Variants in ASIC2 observed in about 807,000 individuals in gnomAD.
ASIC2 encodes the protein acid sensing ion channel subunit 2.
A neutral mutation model predicts 57.3 loss-of-function variants in ASIC2; 25 were observed. The observed-to-expected ratio is 0.44, with a 90% CI of 0.32 to 0.61. The LOEUF is 0.61. ASIC2 is among the 20% of genes least tolerant of loss of function. ASIC2 has a pLI of 0.06. For missense variants in ASIC2, 641 were observed against 738.1 expected (o/e 0.87, Z 1.52); for synonymous variants, 319 against 307.5 (o/e 1.04, Z -0.39).
chr17:33,849,778 C>T (rs1913714510), intron 1 of ASIC2, among the ~76,000 whole-genome samples: 1 of 152,066 alleles, frequency 6.6e-6, no homozygotes, highest in Non-Finnish European at 1.5e-5. Context: ...ACCTTTCATG[C>T]CATGAAAAGG....
intron 1 of ASIC2, among the ~76,000 whole-genome samples, chr17:33,512,485 T>G (rs953181128): frequency 2.0e-5 from 3 of 152,174 alleles, no homozygotes; most frequent in Non-Finnish European, 2.9e-5. Flanking sequence ...TTGCTCCCAC[T>G]GGGTACTGAG....
chr17:34,099,317 GGAAA>G (rs767648695), intron 1 of ASIC2, among the ~76,000 whole-genome samples: 19 of 140,394 alleles, frequency 1.4e-4, no homozygotes, highest in African/African-American at 4.0e-4. Flanking sequence ...AAGAAAGAAA[GGAAA>G]GAAAGAAGGG....
At chr17:33,245,917 C>T (rs1392765344) in intron 1 of ASIC2, among the ~76,000 whole-genome samples, 1 of 151,592 alleles carries the variant, frequency 6.6e-6, no homozygotes, top group Non-Finnish European at 1.5e-5. Context: ...GGGCCAGGCA[C>T]AATAGTTCAT....
chr17:33,938,818 C>G (rs1567762127), intron 1 of ASIC2, among the ~76,000 whole-genome samples: 1 of 152,224 alleles, frequency 6.6e-6, no homozygotes, highest in Non-Finnish European at 1.5e-5. Context: ...GGCTGTCTCC[C>G]TGCCTCAGTG....
chr17:33,750,677 T>C (rs1910403873), intron 1 of ASIC2, among the ~76,000 whole-genome samples: 1 of 152,134 alleles, frequency 6.6e-6, no homozygotes, highest in Non-Finnish European at 1.5e-5. Context: ...TATAATGCTT[T>C]GTTTGTTTTG....
At chr17:33,846,482 G>T (rs779227499) in intron 1 of ASIC2, among the ~76,000 whole-genome samples, 2 of 152,140 alleles carry the variant, frequency 1.3e-5, no homozygotes, top group Non-Finnish European at 1.5e-5. Context: ...AATCTGATCT[G>T]CAGAGTGGGA....
intron 1 of ASIC2, among the ~76,000 whole-genome samples, chr17:33,392,866 C>T (rs1229258721): frequency 1.3e-5 from 2 of 152,202 alleles, no homozygotes; most frequent in Non-Finnish European, 2.9e-5. Flanking sequence ...ACCTTTGCAG[C>T]TCCTGTCCTG....
At chr17:33,109,354 C>A (rs73982426) in intron 2 of ASIC2, among the ~76,000 whole-genome samples, 2,191 of 152,312 alleles carry the variant, frequency 0.014, 53 homozygotes, top group African/African-American at 0.05. Flanking sequence ...ACATTTTCAT[C>A]AGCCCAGAAG....
At position 34,104,433 on chromosome 17, in the gene ASIC2, T is replaced by C. The variant is rs372080352; in HGVS notation, c.555+51545A>G. Among the ~76,000 whole-genome samples, 379 of 152,266 alleles carry C rather than the reference T, an allele frequency of 2.5e-3. 2 individuals carry two copies. Among genetic ancestry groups the C allele is most frequent in the African/African-American group, 8.9e-3 (370 of 41,572 alleles). On this transcript the variant is annotated intron_variant, in intron 1 of 9. Transcript: ENST00000359872. ...ACTTTTGTTTATAGAAACAAATTCTTCCTTTTGAGTCTTTATGCTTTTAGT... is the reference window on the plus strand; with the variant it reads ...ACTTTTGTTTATAGAAACAAATTCTCCCTTTTGAGTCTTTATGCTTTTAGT...
chr17:33,819,640 A>AGAC (rs1912689750), intron 1 of ASIC2, among the ~76,000 whole-genome samples: 1 of 152,196 alleles, frequency 6.6e-6, no homozygotes, highest in Non-Finnish European at 1.5e-5. Flanking sequence ...TCTAATGCTG[A>AGAC]GACTGTGACC....
chr17:33,633,259 G>T (rs1906233545), intron 1 of ASIC2, among the ~76,000 whole-genome samples: 1 of 152,184 alleles, frequency 6.6e-6, no homozygotes, highest in South Asian at 2.1e-4. Context: ...GTCCAAAAAG[G>T]CTCTTGTGTG....
intron 1 of ASIC2, among the ~76,000 whole-genome samples, chr17:33,178,011 T>G (rs1832013329): frequency 6.6e-6 from 1 of 152,078 alleles, no homozygotes; most frequent in Non-Finnish European, 1.5e-5. Context: ...CAAACACACA[T>G]GCTTGTGTTC....
chr17:33,507,992 G>A (rs952310143), intron 1 of ASIC2, among the ~76,000 whole-genome samples: 2 of 152,208 alleles, frequency 1.3e-5, no homozygotes, highest in Non-Finnish European at 2.9e-5. Flanking sequence ...GAGGGCCACA[G>A]TTCGCTGACT....
intron 1 of ASIC2, among the ~76,000 whole-genome samples, chr17:33,759,159 G>T (rs546203604): frequency 1.3e-5 from 2 of 152,294 alleles, no homozygotes; most frequent in East Asian, 1.9e-4. Context: ...TTCAAATGAG[G>T]TTTCACATGG....
chr17:33,161,872 T>G (rs1428615498), intron 1 of ASIC2, among the ~76,000 whole-genome samples: 2 of 143,496 alleles, frequency 1.4e-5, no homozygotes, highest in African/African-American at 5.1e-5. Context: ...TTTTTTTTTT[T>G]TTTTTTTTTT....
intron 1 of ASIC2, among the ~76,000 whole-genome samples, chr17:33,950,909 T>C (rs574237094): frequency 7.2e-6 from 1 of 139,376 alleles, no homozygotes; most frequent in Admixed American, 7.6e-5. Flanking sequence ...CACTTACATC[T>C]CTTATTATAT....
intron 1 of ASIC2, among the ~76,000 whole-genome samples, chr17:33,823,928 C>T (rs1167762176): frequency 1.3e-5 from 2 of 152,192 alleles, no homozygotes; most frequent in African/African-American, 4.8e-5. Context: ...TGCCATTCTT[C>T]TCCACGTCTG....
chr17:34,050,400 G>A (rs911080575), intron 1 of ASIC2, among the ~76,000 whole-genome samples: 26 of 152,232 alleles, frequency 1.7e-4, no homozygotes, highest in African/African-American at 6.3e-4. Flanking sequence ...TCTCTGGGGG[G>A]TGGGGAGGGG....
chr17:33,595,772 G>A (rs971802961), intron 1 of ASIC2, among the ~76,000 whole-genome samples: 8 of 152,136 alleles, frequency 5.3e-5, no homozygotes, highest in Non-Finnish European at 1.2e-4. Flanking sequence ...ATGATGCATC[G>A]TTTTCAGGAA....
Sources: allele counts gnomAD v4.1 joint callset (sites outside exome capture counted in the v4.1 genomes callset), GRCh38; gene constraint gnomAD v4.1.1; transcripts MANE v1.5; gene names NCBI Gene and HGNC (gene_info 2026-07-23, HGNC 2026-07-21).